The following ANKRD13C variants were observed in gnomAD, a reference collection of about 807,000 sequenced individuals.
ANKRD13C encodes the protein ankyrin repeat domain-containing protein 13C.
In ANKRD13C, 16 loss-of-function variants were observed where a neutral mutation model predicts 65.5. That is an observed-to-expected ratio of 0.24 (90% CI 0.17 to 0.37). The LOEUF is 0.37. Among genes scored for constraint, ANKRD13C ranks in the 10% least tolerant of loss-of-function variants. The pLI is 1.00. For synonymous variants in ANKRD13C, 235 were observed against 238.7 expected (o/e 0.98, Z 0.14); for missense variants, 503 against 655.9 (o/e 0.77, Z 2.55).
chr1:70,315,552 T>G lies in ANKRD13C; in HGVS notation c.592A>C (p.Arg198=). 1.2e-6 allele frequency: 2 copies of G among 1,605,586 alleles called. No individual in the cohort carries two copies. The highest frequency in any genetic ancestry group is 1.7e-6 in the Non-Finnish European group (2 of 1,176,954). Residue 198 remains arginine (R), a synonymous_variant, in exon 4 of 13, where the codon AGG becomes CGG. Coordinates refer to ENST00000370944, the MANE Select transcript of ANKRD13C (RefSeq NM_030816.5). ...TCCCTGGATTGCTGCTTAAGCTTCC[T>G]CAAAAGAGCTGTAACTAAAGTTTAA... The part of the protein sequence containing the change: ...GDRQMITALL[R]KLKQQSRESV...
intron 3 of ANKRD13C, among the ~76,000 whole-genome samples, chr1:70,319,244 T>C (rs1363880182): frequency 6.6e-6 from 1 of 152,158 alleles, no homozygotes; most frequent in Non-Finnish European, 1.5e-5. Context: ...ATGTGGTCCT[T>C]TTATCATTAC....
intron 1 of ANKRD13C, among the ~76,000 whole-genome samples, chr1:70,339,814 TA>T (rs1410401012): frequency 0.018 from 27 of 1,482 alleles, no homozygotes; most frequent in East Asian, 0.12. Context: ...TCAGTACGTT[TA>T]TTATTATTAT....
At chr1:70,313,713 A>T (rs550712547) in intron 5 of ANKRD13C, 32 bp downstream of exon 5, 2 of 1,537,256 alleles carry the variant, frequency 1.3e-6, no homozygotes, top group South Asian at 2.3e-5. Context: ...GCATAAGTAC[A>T]TATTTTATAC....
intron 1 of ANKRD13C, among the ~76,000 whole-genome samples, chr1:70,338,682 G>A (rs1326648421): frequency 1.3e-5 from 2 of 152,148 alleles, no homozygotes; most frequent in African/African-American, 2.4e-5. Flanking sequence ...TTACAGGCAT[G>A]AGCCACCACG....
chr1:70,275,865 G>A (rs1255781957), intron 10 of ANKRD13C, among the ~76,000 whole-genome samples: 1 of 150,742 alleles, frequency 6.6e-6, no homozygotes, highest in Non-Finnish European at 1.5e-5. Flanking sequence ...AGAGGCTGAG[G>A]TGAGAAAATG....
chr1:70,279,804 T>C (rs1048925061), intron 9 of ANKRD13C, among the ~76,000 whole-genome samples: 2 of 152,170 alleles, frequency 1.3e-5, no homozygotes, highest in African/African-American at 4.8e-5. Context: ...TGATCAGCCC[T>C]TGAGTTACTT....
At chr1:70,265,909 G>A (rs116496991) in intron 12 of ANKRD13C, among the ~76,000 whole-genome samples, 2,231 of 149,266 alleles carry the variant, frequency 0.015, 67 homozygotes, top group African/African-American at 0.052. Flanking sequence ...GAAAGAGGAC[G>A]GAAGGAAAGA....
At position 70,354,121 on chromosome 1, in the gene ANKRD13C, G is replaced by C; in HGVS notation, c.288C>G (p.Ala96=). The C allele has an allele frequency of 1.2e-6, 2 of 1,613,684 alleles. No individual in the cohort carries two copies. Among genetic ancestry groups the C allele is most frequent in the East Asian group, 2.2e-5 (1 of 44,868 alleles). ...CGACGACAGCAACGGGGTTGGTGCC[G>C]GCCAGAAGGGCCGGGGACTGGGAGT... is the stretch of plus-strand genomic sequence containing the variant. The part of the protein sequence containing the change: ...TANSQSPALL[A]GTNPVAVVAD... Residue 96 remains alanine, a synonymous_variant, in exon 1 of 13, where the codon GCC becomes GCG. Coordinates refer to ENST00000370944, the MANE Select transcript of ANKRD13C (RefSeq NM_030816.5).
chr1:70,289,633 A>ATT lies in ANKRD13C; in HGVS notation c.1215+2753_1215+2754dup, dbSNP rs778610042. ...AGGCGCCCGCCACCACGCCCGGCTAATTTTTTTTTTTTTTTTGTATTTTTA... is the reference window on the plus strand; with the variant it reads ...AGGCGCCCGCCACCACGCCCGGCTAATTTTTTTTTTTTTTTTTTGTATTTTTA... On this transcript the variant is annotated intron_variant, in intron 9 of 12. Transcript: ENST00000370944. Among the ~76,000 whole-genome samples, 14 of 138,788 alleles carry ATT rather than the reference A, an allele frequency of 1.0e-4. No individual in the cohort carries two copies. The Middle Eastern group carries it at 0.011, about 105-fold the overall frequency. 91.1% of individuals were successfully genotyped at this position (138,788 alleles called of 152,430 possible).
intron 7 of ANKRD13C, 92 bp from the exon 8 acceptor site, chr1:70,296,353 C>T (rs1680081592): frequency 2.4e-6 from 3 of 1,276,426 alleles, no homozygotes; most frequent in Non-Finnish European, 3.2e-6. Flanking sequence ...ATAATGGTAC[C>T]AATTTTTAAA....
At position 70,312,157 on chromosome 1, in the gene ANKRD13C, G is replaced by T. The variant is rs182528040; in HGVS notation, c.709+1588C>A. On this transcript the variant is annotated intron_variant, in intron 5 of 12. Coordinates refer to ENST00000370944, the MANE Select transcript of ANKRD13C (RefSeq NM_030816.5). ...TAATTGTTAATTAAAGTTTAAATCT[G>T]GTAACTTCCTAGGCATTTTACTGCT... Among the ~76,000 whole-genome samples, 10 of 152,164 alleles carry T rather than the reference G, an allele frequency of 6.6e-5. No individual in the cohort carries two copies. In the East Asian group the frequency reaches 1.5e-3, roughly 23 times the overall value.
At chr1:70,350,250 T>C (rs990849893) in intron 1 of ANKRD13C, among the ~76,000 whole-genome samples, 1 of 152,262 alleles carries the variant, frequency 6.6e-6, no homozygotes, top group African/African-American at 2.4e-5. Flanking sequence ...CTAATATATC[T>C]CCAGCAATAA....
chr1:70,329,839 TC>T (rs1481527001), intron 2 of ANKRD13C, among the ~76,000 whole-genome samples: 1 of 151,966 alleles, frequency 6.6e-6, no homozygotes, highest in East Asian at 1.9e-4. Context: ...ACGCCTGTAA[TC>T]CCAGCACTTT....
rs950447088 is a variant in ANKRD13C at position 70,354,717 on chromosome 1, T to C, written c.-309A>G. On this transcript the variant is annotated 5_prime_UTR_variant, in exon 1 of 13. Coordinates refer to ENST00000370944, the MANE Select transcript of ANKRD13C (RefSeq NM_030816.5). ...AAAACAGGGCACGGCCATCTTCCTC[T>C]TGCTCCTCTCGCGAGAGCTCCCCCA... 1 of 731,580 alleles carries C rather than the reference T, an allele frequency of 1.4e-6. No homozygotes were observed. The highest frequency in any genetic ancestry group is 1.8e-5 in the African/African-American group (1 of 56,244). 45.3% of individuals were successfully genotyped at this position (731,580 alleles called of 1,614,324 possible). A position where few individuals can be genotyped will look rare whatever the true frequency, so the allele number is the denominator to read the frequency against.
Position 70,313,773 on chromosome 1 carries a change from T to C in ANKRD13C, c.681A>G (p.Leu227=). The C allele has an allele frequency of 6.2e-7, 1 of 1,609,828 alleles. No homozygotes were observed. Among genetic ancestry groups the C allele is most frequent in the Admixed American group, 1.7e-5 (1 of 59,948 alleles). ...AGCTTTGAAAATCCCAGTGAAGTTC[T>C]AGATAAAAGTCACCTAGCTGAAAAA... ...KALKELGDFY[L]ELHWDFQSWV... is the part of the protein sequence containing the mutation. The change falls in exon 5 of 13, where the codon CTA becomes CTG. Residue 227 remains leucine, a synonymous_variant. Coordinates refer to ENST00000370944, the MANE Select transcript of ANKRD13C (RefSeq NM_030816.5).
At chr1:70,289,771 C>T (rs1468760020) in intron 9 of ANKRD13C, among the ~76,000 whole-genome samples, 2 of 152,040 alleles carry the variant, frequency 1.3e-5, no homozygotes, top group Admixed American at 1.3e-4. Flanking sequence ...CCACCGCGCC[C>T]AGCCTGTGTT....
At chr1:70,338,165 TTC>T (rs1460752565) in intron 1 of ANKRD13C, among the ~76,000 whole-genome samples, 1 of 152,146 alleles carries the variant, frequency 6.6e-6, no homozygotes, top group African/African-American at 2.4e-5. Context: ...TAAAATTGAT[TTC>T]TCTCTCCTCC....
intron 2 of ANKRD13C, among the ~76,000 whole-genome samples, chr1:70,329,768 A>G (rs1681701092): frequency 6.6e-6 from 1 of 152,070 alleles, no homozygotes; most frequent in Non-Finnish European, 1.5e-5. Flanking sequence ...ATATGCTAAT[A>G]ACCTATGACA....
chr1:70,354,682 CT>C lies in ANKRD13C; in HGVS notation c.-275del. ...TCGCCGTCGCAGCCGCCGTCGCTGC[CT>C]TACACCGAAAAACAGGGCACGGCCA... On this transcript the variant is annotated 5_prime_UTR_variant, in exon 1 of 13. The change abolishes the stop of an existing upstream ORF in the 5' untranslated region. Transcript: ENST00000370944. The C allele has an allele frequency of 1.2e-6, 1 of 806,176 alleles. No homozygotes were observed. The highest frequency in any genetic ancestry group is 1.9e-6 in the Non-Finnish European group (1 of 526,490). 49.9% of individuals were successfully genotyped at this position (806,176 alleles called of 1,614,324 possible).
Sources: allele counts gnomAD v4.1 joint callset (sites outside exome capture counted in the v4.1 genomes callset), GRCh38; gene constraint gnomAD v4.1.1; transcripts MANE v1.5; gene names NCBI Gene and HGNC (gene_info 2026-07-23, HGNC 2026-07-21).